The following CYB5A variants were observed in gnomAD, a reference collection of about 807,000 sequenced individuals.
CYB5A encodes cytochrome b5.
A neutral mutation model predicts 16.2 loss-of-function variants in CYB5A; 10 were observed. That is an observed-to-expected ratio of 0.62 (90% CI 0.38 to 1.04). CYB5A has a LOEUF of 1.04. Among genes scored for constraint, CYB5A ranks in the 50% least tolerant of loss-of-function variants. The pLI is 0.01. For synonymous variants in CYB5A, 62 were observed against 57.0 expected (o/e 1.09, Z -0.40); for missense variants, 161 against 165.9 (o/e 0.97, Z 0.16).
rs1266905589 is a variant in CYB5A at position 74,253,264 on chromosome 18, C to A, written c.*320G>T. ...ATAACCAGATTCTAAACATTAAAGACAATTATACACCAAACAGGCAAACAC... is the reference window on the plus strand; with the variant it reads ...ATAACCAGATTCTAAACATTAAAGAAAATTATACACCAAACAGGCAAACAC... On this transcript the variant is annotated 3_prime_UTR_variant, in exon 5 of 5. Coordinates refer to ENST00000340533, the MANE Select transcript of CYB5A (RefSeq NM_148923.4). 5.9e-6 allele frequency: 2 copies of A among 336,540 alleles called. No individual in the cohort carries two copies. Among genetic ancestry groups the A allele is most frequent in the Non-Finnish European group, 5.8e-6 (1 of 173,642 alleles). 20.8% of individuals were successfully genotyped at this position (336,540 alleles called of 1,614,324 possible). A position where few individuals can be genotyped will look rare whatever the true frequency, so the allele number is the denominator to read the frequency against.
chr18:74,260,446 T>G (rs959255459), intron 3 of CYB5A: 3 of 241,406 alleles, frequency 1.2e-5, no homozygotes, highest in African/African-American at 7.0e-5. Context: ...CAAAAGGGTA[T>G]TATTTAATTT....
intron 1 of CYB5A, among the ~76,000 whole-genome samples, chr18:74,270,895 C>T (rs1485499724): frequency 6.6e-6 from 1 of 152,200 alleles, no homozygotes; most frequent in Non-Finnish European, 1.5e-5. Context: ...CTGTCTCGTT[C>T]ATCACTGTTT....
intron 1 of CYB5A, among the ~76,000 whole-genome samples, chr18:74,282,429 G>C (rs1286378866): frequency 6.6e-6 from 1 of 152,162 alleles, no homozygotes; most frequent in South Asian, 2.1e-4. Context: ...AAATAAGATA[G>C]TCACAGAGCA....
intron 1 of CYB5A, among the ~76,000 whole-genome samples, chr18:74,268,991 G>A (rs1982560216): frequency 6.6e-6 from 1 of 152,138 alleles, no homozygotes; most frequent in Non-Finnish European, 1.5e-5. Context: ...TACAATAACT[G>A]GAAATGGCTT....
intron 1 of CYB5A, among the ~76,000 whole-genome samples, chr18:74,264,599 G>A (rs1239107188): frequency 1.3e-5 from 2 of 152,144 alleles, no homozygotes; most frequent in African/African-American, 2.4e-5. Context: ...TTTCTGGTAG[G>A]TAAAAACAAA....
intron 3 of CYB5A, chr18:74,258,087 C>T (rs1478307817): frequency 6.6e-6 from 1 of 152,132 alleles, no homozygotes; most frequent in African/African-American, 2.4e-5. Context: ...TAGTGGGAAG[C>T]CTATCTCCCT....
chr18:74,258,711 G>T (rs1301937174), intron 3 of CYB5A: 2 of 152,188 alleles, frequency 1.3e-5, no homozygotes, highest in African/African-American at 4.8e-5. Context: ...TCTGCTTATG[G>T]CCTCTCAAAA....
intron 3 of CYB5A, chr18:74,258,468 G>A (rs140084865): frequency 5.7e-4 from 87 of 152,282 alleles, no homozygotes; most frequent in Middle Eastern, 3.4e-3. Flanking sequence ...CCTTAGGGCA[G>A]GTTCAAGCTA....
intron 4 of CYB5A, among the ~76,000 whole-genome samples, chr18:74,255,372 A>T (rs1981931968): frequency 6.6e-6 from 1 of 152,244 alleles, no homozygotes; most frequent in African/African-American, 2.4e-5. Flanking sequence ...AGGGAAATGT[A>T]ATCACTAGAG....
At chr18:74,257,084 A>G (rs1380920100) in intron 3 of CYB5A, 4 of 506,774 alleles carry the variant, frequency 7.9e-6, no homozygotes, top group African/African-American at 7.7e-5. Flanking sequence ...CTGAAACAAA[A>G]GAATCACTGA....
intron 1 of CYB5A, among the ~76,000 whole-genome samples, chr18:74,276,097 C>G (rs766523696): frequency 2.0e-5 from 3 of 152,168 alleles, no homozygotes; most frequent in Non-Finnish European, 4.4e-5. Context: ...AGCCTGGCAT[C>G]AAAACCAGGC....
At position 74,291,920 on chromosome 18, in the gene CYB5A, G is replaced by A; in HGVS notation, c.-45C>T. On this transcript the variant is annotated 5_prime_UTR_variant, in exon 1 of 5. Coordinates refer to ENST00000340533, the MANE Select transcript of CYB5A (RefSeq NM_148923.4). ...GGCCCAGCACACACAGCCCCGTCGG[G>A]TGGAGCAGAGCGCGCGACTCAGCCA... 6.2e-7 allele frequency: 1 copy of A among 1,605,914 alleles called. No individual in the cohort carries two copies.
rs1026127057 is a variant in CYB5A at position 74,253,068 on chromosome 18, T to C, written c.*516A>G. Reference sequence around the variant, plus strand: ...TTAGAAATCCTTAAACTATAATTTCTGGCCTTTCTTAATTTCCTTGAAAAA... The same window carrying C: ...TTAGAAATCCTTAAACTATAATTTCCGGCCTTTCTTAATTTCCTTGAAAAA... On this transcript the variant is annotated 3_prime_UTR_variant, in exon 5 of 5. Coordinates refer to ENST00000340533, the MANE Select transcript of CYB5A (RefSeq NM_148923.4). 3.1e-5 allele frequency: 5 copies of C among 159,090 alleles called. No individual in the cohort carries two copies. Among genetic ancestry groups the C allele is most frequent in the African/African-American group, 9.6e-5 (4 of 41,480 alleles). 9.9% of individuals were successfully genotyped at this position (159,090 alleles called of 1,614,324 possible).
chr18:74,286,650 G>T (rs1983331063), intron 1 of CYB5A, among the ~76,000 whole-genome samples: 1 of 152,168 alleles, frequency 6.6e-6, no homozygotes, highest in Non-Finnish European at 1.5e-5. Context: ...CTAAGACCAG[G>T]TCTAGTTTTC....
chr18:74,269,720 T>A (rs1047950885), intron 1 of CYB5A, among the ~76,000 whole-genome samples: 1 of 152,094 alleles, frequency 6.6e-6, no homozygotes, highest in Admixed American at 6.6e-5. Context: ...CATCAGCCAA[T>A]CCAGTTGGCA....
At position 74,256,463 on chromosome 18, in the gene CYB5A, G is replaced by A. The variant is rs1206773585; in HGVS notation, c.289-688C>T. The A allele has an allele frequency of 1.6e-5, 4 of 246,534 alleles. No homozygotes were observed. The Admixed American group carries it at 2.0e-4, about 12-fold the overall frequency. The allele number at this position is 246,534 out of a possible 1,614,324, so 15.3% of individuals were successfully genotyped here. A position where few individuals can be genotyped will look rare whatever the true frequency, so the allele number is the denominator to read the frequency against. ...CTGTTTTTATCCTCCAGAGCTTTCT[G>A]GGAGCAGCTCTTTTGAGTAGCACTA... On this transcript the variant is annotated intron_variant, in intron 3 of 4. Coordinates refer to ENST00000340533, the MANE Select transcript of CYB5A (RefSeq NM_148923.4).
Position 74,253,656 on chromosome 18 carries a change from G to A in CYB5A, c.333C>T (p.Thr111=), listed in dbSNP as rs1318591365. Reference sequence around the variant, plus strand: ...CAGAGATGGCAGGGATCACCCAGTTGGTCCACCAACTAGAAAGACACAAAA... The same window carrying A: ...CAGAGATGGCAGGGATCACCCAGTTAGTCCACCAACTAGAAAGACACAAAA... ...TTIDSSSSWW[T]NWVIPAISAV... The change falls in exon 5 of 5, where the codon ACC becomes ACT. Residue 111 remains threonine (T), a synonymous_variant. Transcript: ENST00000340533. 3 of 1,612,192 alleles carry A rather than the reference G, an allele frequency of 1.9e-6. No homozygotes were observed. The Admixed American group carries it at 5.0e-5, about 27-fold the overall frequency.
chr18:74,287,779 TG>T (rs1983374020), intron 1 of CYB5A, among the ~76,000 whole-genome samples: 1 of 152,206 alleles, frequency 6.6e-6, no homozygotes, highest in Non-Finnish European at 1.5e-5. Context: ...CAACAGCTAA[TG>T]GAAGTGTTGT....
intron 1 of CYB5A, among the ~76,000 whole-genome samples, chr18:74,270,860 CA>C (rs1346371186): frequency 1.3e-5 from 2 of 152,146 alleles, no homozygotes; most frequent in African/African-American, 4.8e-5. Flanking sequence ...CATTTCATAT[CA>C]ATTTGTTTCT....
Sources: allele counts gnomAD v4.1 joint callset (sites outside exome capture counted in the v4.1 genomes callset), GRCh38; gene constraint gnomAD v4.1.1; transcripts MANE v1.5; gene names NCBI Gene and HGNC (gene_info 2026-07-23, HGNC 2026-07-21).